Variants in NCOA2 observed in about 807,000 individuals in gnomAD.
NCOA2 encodes the protein class E basic helix-loop-helix protein 75.
NCOA2 carries 21 observed loss-of-function variants against 145.1 expected under a neutral mutation model. The ratio of observed to expected loss-of-function variants is 0.14; its 90% CI spans 0.10 to 0.21. The LOEUF is 0.21. Among genes scored for constraint, NCOA2 ranks in the 10% least tolerant of loss-of-function variants. The pLI, the probability that NCOA2 is intolerant of heterozygous loss-of-function variation, is 1.00. For missense variants in NCOA2, 1,472 were observed against 1,837.6 expected, an observed-to-expected ratio of 0.80 and a Z score of 3.64; for synonymous variants, 619 against 637.5, an observed-to-expected ratio of 0.97 and a Z score of 0.44.
At chr8:70,316,607 T>C (rs1805600215) in intron 1 of NCOA2, among the ~76,000 whole-genome samples, 2 of 152,066 alleles carry the variant, frequency 1.3e-5, no homozygotes, top group South Asian at 4.1e-4. Flanking sequence ...CTGGAATTAC[T>C]CATGCTATGC....
intron 1 of NCOA2, among the ~76,000 whole-genome samples, chr8:70,389,444 CTAATTTTGAA>C (rs972167930): frequency 1.3e-5 from 2 of 151,556 alleles, no homozygotes; most frequent in Non-Finnish European, 2.9e-5. Flanking sequence ...CCACACCTGG[CTAATTTTGAA>C]TCTTTAGTAG....
At chr8:70,358,060 A>T (rs1245945995) in intron 1 of NCOA2, among the ~76,000 whole-genome samples, 1 of 152,118 alleles carries the variant, frequency 6.6e-6, no homozygotes, top group Non-Finnish European at 1.5e-5. Flanking sequence ...CAAAAAAAAC[A>T]AAACAGAACA....
intron 18 of NCOA2, 47 bp from the exon 19 acceptor site, chr8:70,127,094 A>AGAT: frequency 7.3e-7 from 1 of 1,369,192 alleles, no homozygotes; most frequent in Non-Finnish European, 1.0e-6. Flanking sequence ...GGACAGACAT[A>AGAT]GATTAAAAAA....
intron 2 of NCOA2, among the ~76,000 whole-genome samples, chr8:70,257,294 G>A (rs1823711952): frequency 6.6e-6 from 1 of 152,186 alleles, no homozygotes; most frequent in South Asian, 2.1e-4. Context: ...TATATTGAAG[G>A]AGAAAGGTCA....
chr8:70,153,649 G>C (rs897793215), intron 11 of NCOA2, among the ~76,000 whole-genome samples: 1 of 152,248 alleles, frequency 6.6e-6, no homozygotes, highest in South Asian at 2.1e-4. Flanking sequence ...CATTGTCTGT[G>C]CCTGCCACTC....
chr8:70,158,280 T>C (rs978549317), intron 10 of NCOA2, among the ~76,000 whole-genome samples: 4 of 152,242 alleles, frequency 2.6e-5, no homozygotes, highest in Admixed American at 1.3e-4. Flanking sequence ...TATTTACTGA[T>C]AGGACCTCAT....
intron 1 of NCOA2, among the ~76,000 whole-genome samples, chr8:70,361,331 T>G (rs374962829): frequency 1.3e-5 from 2 of 151,780 alleles, no homozygotes; most frequent in Non-Finnish European, 1.5e-5. Context: ...CCTGTCTCTA[T>G]TAAAAATACA....
intron 1 of NCOA2, among the ~76,000 whole-genome samples, chr8:70,357,983 G>A (rs1182246067): frequency 3.9e-5 from 6 of 151,958 alleles, no homozygotes; most frequent in African/African-American, 9.7e-5. Flanking sequence ...CCTGGGAGGC[G>A]GAGGATGCAG....
chr8:70,126,347 G>A (rs759629764), intron 19 of NCOA2, among the ~76,000 whole-genome samples: 1 of 151,958 alleles, frequency 6.6e-6, no homozygotes, highest in Non-Finnish European at 1.5e-5. Context: ...TTAATGATCT[G>A]GTATAATCTG....
At chr8:70,298,805 T>C (rs1219189120) in intron 1 of NCOA2, among the ~76,000 whole-genome samples, 2 of 152,164 alleles carry the variant, frequency 1.3e-5, no homozygotes, top group East Asian at 3.8e-4. Flanking sequence ...TTCACACCTG[T>C]AATCCCAGCA....
intron 2 of NCOA2, among the ~76,000 whole-genome samples, chr8:70,263,432 C>T (rs1477053671): frequency 6.6e-6 from 1 of 151,942 alleles, no homozygotes; most frequent in Non-Finnish European, 1.5e-5. Flanking sequence ...ACTGTAGTGA[C>T]CAAACAGATT....
At chr8:70,267,394 T>G (rs1225239587) in intron 2 of NCOA2, among the ~76,000 whole-genome samples, 3 of 4,486 alleles carry the variant, frequency 6.7e-4, no homozygotes, top group Admixed American at 4.3e-3. Flanking sequence ...TCCTTTCTGT[T>G]TTTTTTTTTT....
upstream of NCOA2, chr8:70,403,847 CCCTCCTCCTCCT>C (rs528610374): frequency 1.9e-3 from 714 of 376,616 alleles, no homozygotes; most frequent in East Asian, 3.0e-3. Flanking sequence ...TCCCCCAACT[CCCTCCTCCTCCT>C]CCTCCTCCTC....
intron 1 of NCOA2, among the ~76,000 whole-genome samples, chr8:70,362,062 C>T (rs578004460): frequency 6.6e-6 from 1 of 152,294 alleles, no homozygotes; most frequent in Admixed American, 6.5e-5. Flanking sequence ...CATACAGCTG[C>T]ATTCTTTCAA....
At chr8:70,236,618 C>T (rs182161673) in intron 2 of NCOA2, among the ~76,000 whole-genome samples, 3 of 152,128 alleles carry the variant, frequency 2.0e-5, no homozygotes, top group East Asian at 1.9e-4. Flanking sequence ...TGGCCCTCTC[C>T]GTATCTGTGG....
chr8:70,163,386 CTAAA>C (rs1187487048), intron 8 of NCOA2, 75 bp downstream of exon 8: 1 of 1,026,642 alleles, frequency 9.7e-7, no homozygotes, highest in Admixed American at 2.1e-5. Flanking sequence ...TTACAGTCTT[CTAAA>C]TAGAGTCCTT....
chr8:70,243,895 T>C (rs144666880), intron 2 of NCOA2, among the ~76,000 whole-genome samples: 1 of 152,094 alleles, frequency 6.6e-6, no homozygotes, highest in African/African-American at 2.4e-5. Context: ...AGTGCCAGTG[T>C]TGTCTGCTTT....
At chr8:70,296,241 G>A (rs549925288) in intron 2 of NCOA2, among the ~76,000 whole-genome samples, 4 of 152,218 alleles carry the variant, frequency 2.6e-5, no homozygotes, top group Admixed American at 6.5e-5. Flanking sequence ...TGTGTGATAC[G>A]GAGTGCTTGA....
At chr8:70,421,773 G>C in the NCOA2 span, among the ~76,000 whole-genome samples, 1 of 151,234 alleles carries the variant, frequency 6.6e-6, no homozygotes, top group Non-Finnish European at 1.5e-5. Flanking sequence ...AAAAAAAAAA[G>C]TAAATGTAGT....
Sources: gnomAD v4.1 joint callset for allele counts (sites outside exome capture counted in the v4.1 genomes callset) on GRCh38, gnomAD v4.1.1 for gene constraint, MANE v1.5 for transcripts, NCBI Gene and HGNC (gene_info 2026-07-23, HGNC 2026-07-21) for gene names.